Variants in KHDRBS3 observed in about 807,000 individuals in gnomAD.
KHDRBS3 encodes KH RNA binding domain containing, signal transduction associated 3.
Under a neutral mutation model 45.6 loss-of-function variants are expected in KHDRBS3, and 23 were observed. That is an observed-to-expected ratio of 0.50 (90% confidence interval 0.36 to 0.72). The LOEUF is 0.72. Among genes scored for constraint, KHDRBS3 ranks in the 30% least tolerant of loss-of-function variants. KHDRBS3 has a pLI of 0.00. For synonymous variants in KHDRBS3, 162 were observed against 156.5 expected (o/e 1.04, Z -0.26); for missense variants, 352 against 424.8 (o/e 0.83, Z 1.51).
intron 7 of KHDRBS3, among the ~76,000 whole-genome samples, chr8:135,623,648 C>A (rs1163965698): frequency 6.6e-6 from 1 of 151,168 alleles, no homozygotes; most frequent in Non-Finnish European, 1.5e-5. Context: ...CAAGAAAGAC[C>A]AGGTGGAAAA....
chr8:135,479,971 T>C (rs1822483200), intron 1 of KHDRBS3, among the ~76,000 whole-genome samples: 1 of 152,142 alleles, frequency 6.6e-6, no homozygotes, highest in Admixed American at 6.5e-5. Flanking sequence ...ACCATGACCA[T>C]GTGGGATTTA....
chr8:135,649,907 G>A (rs966741171), downstream of KHDRBS3, among the ~76,000 whole-genome samples: 4 of 152,106 alleles, frequency 2.6e-5, no homozygotes, highest in Admixed American at 6.5e-5. Flanking sequence ...ATCACTATCC[G>A]ACAGGAACTT....
intron 7 of KHDRBS3, among the ~76,000 whole-genome samples, chr8:135,643,829 A>G (rs560849855): frequency 2.6e-5 from 4 of 152,272 alleles, no homozygotes; most frequent in African/African-American, 4.8e-5. Context: ...TCAAATGGGT[A>G]TGGCAGTTTT....
At chr8:135,642,409 G>A (rs1831099483) in intron 7 of KHDRBS3, among the ~76,000 whole-genome samples, 1 of 152,206 alleles carries the variant, frequency 6.6e-6, no homozygotes. Context: ...GAAGTTGTCA[G>A]TAGGGCAGTG....
intron 7 of KHDRBS3, among the ~76,000 whole-genome samples, chr8:135,629,376 G>A (rs1416211476): frequency 6.6e-6 from 1 of 152,216 alleles, no homozygotes; most frequent in Admixed American, 6.5e-5. Flanking sequence ...CTGTAAGACA[G>A]CTGCAGCAGA....
At chr8:135,474,772 A>G (rs754975767) in intron 1 of KHDRBS3, among the ~76,000 whole-genome samples, 2 of 152,226 alleles carry the variant, frequency 1.3e-5, no homozygotes, top group Non-Finnish European at 2.9e-5. Flanking sequence ...TTGGTTTTCT[A>G]TGGCTGCCAT....
intron 1 of KHDRBS3, among the ~76,000 whole-genome samples, chr8:135,518,101 G>T (rs1036837193): frequency 1.3e-5 from 2 of 152,096 alleles, no homozygotes; most frequent in African/African-American, 4.8e-5. Flanking sequence ...GTGGAATTCT[G>T]AATTAATGGA....
chr8:135,565,143 G>GT, intron 5 of KHDRBS3, among the ~76,000 whole-genome samples: 1 of 152,250 alleles, frequency 6.6e-6, no homozygotes, highest in Non-Finnish European at 1.5e-5. Flanking sequence ...CTCATTGTTC[G>GT]TGATTCCCGC....
chr8:135,545,437 T>A (rs1586697261), intron 3 of KHDRBS3, among the ~76,000 whole-genome samples: 1 of 152,194 alleles, frequency 6.6e-6, no homozygotes, highest in East Asian at 1.9e-4. Flanking sequence ...CTCCCAGACG[T>A]CAATGTGTTC....
At chr8:135,592,304 G>A (rs1828781225) in intron 6 of KHDRBS3, among the ~76,000 whole-genome samples, 1 of 151,806 alleles carries the variant, frequency 6.6e-6, no homozygotes, top group Non-Finnish European at 1.5e-5. Flanking sequence ...TATCAAGGAA[G>A]TGGAAAGCTC....
At chr8:135,513,604 C>A (rs1183707147) in intron 1 of KHDRBS3, among the ~76,000 whole-genome samples, 1 of 151,990 alleles carries the variant, frequency 6.6e-6, no homozygotes, top group Non-Finnish European at 1.5e-5. Flanking sequence ...TGAGAAAGTT[C>A]TTCTTATTAC....
At chr8:135,629,569 T>C (rs939365918) in intron 7 of KHDRBS3, among the ~76,000 whole-genome samples, 2 of 152,240 alleles carry the variant, frequency 1.3e-5, no homozygotes, top group African/African-American at 4.8e-5. Flanking sequence ...TCAGAGAGCC[T>C]TTAATCCAAA....
intron 7 of KHDRBS3, among the ~76,000 whole-genome samples, chr8:135,632,065 C>T (rs1406460502): frequency 6.6e-6 from 1 of 152,214 alleles, no homozygotes; most frequent in Admixed American, 6.5e-5. Flanking sequence ...TGTATATATA[C>T]ACATGCGCAC....
intron 7 of KHDRBS3, among the ~76,000 whole-genome samples, chr8:135,635,175 G>C (rs1830758435): frequency 6.6e-6 from 1 of 152,020 alleles, no homozygotes; most frequent in Non-Finnish European, 1.5e-5. Context: ...CTATTTTTAT[G>C]AAAAATCTCT....
chr8:135,479,227 G>T (rs1294406476), intron 1 of KHDRBS3, among the ~76,000 whole-genome samples: 1 of 152,140 alleles, frequency 6.6e-6, no homozygotes, highest in Non-Finnish European at 1.5e-5. Flanking sequence ...AGATGAAATG[G>T]ACAAATTTCT....
intron 1 of KHDRBS3, among the ~76,000 whole-genome samples, chr8:135,479,438 T>C (rs953696706): frequency 1.3e-5 from 2 of 152,226 alleles, no homozygotes; most frequent in African/African-American, 2.4e-5. Context: ...GCTTCTGTCT[T>C]AGTCCTTTGG....
chr8:135,501,937 G>A (rs569551720), intron 1 of KHDRBS3, among the ~76,000 whole-genome samples: 20 of 152,072 alleles, frequency 1.3e-4, no homozygotes, highest in Admixed American at 5.2e-4. Flanking sequence ...CTTTTTGCAC[G>A]CATTATTGAA....
At chr8:135,593,106 G>A (rs1447849014) in intron 6 of KHDRBS3, among the ~76,000 whole-genome samples, 1 of 152,138 alleles carries the variant, frequency 6.6e-6, no homozygotes, top group Non-Finnish European at 1.5e-5. Flanking sequence ...GGTAGATAGG[G>A]GAGGAGGGAA....
chr8:135,540,016 G>A (rs1009113058), intron 2 of KHDRBS3: 25 of 152,120 alleles, frequency 1.6e-4, no homozygotes, highest in African/African-American at 6.0e-4. Context: ...GATTTCTAAA[G>A]CCTCTTAATT....
Sources: allele counts gnomAD v4.1 joint callset (sites outside exome capture counted in the v4.1 genomes callset), GRCh38; gene constraint gnomAD v4.1.1; transcripts MANE v1.5; gene names NCBI Gene and HGNC (gene_info 2026-07-23, HGNC 2026-07-21).